IMMP2L: variants seen among roughly 807,000 people sequenced by gnomAD.
IMMP2L encodes mitochondrial inner membrane protease subunit 2.
A neutral mutation model predicts 19.3 loss-of-function variants in IMMP2L; 18 were observed. That is an observed-to-expected ratio of 0.93 (90% CI 0.64 to 1.38). IMMP2L has a LOEUF of 1.38. Ranked by LOEUF, IMMP2L falls within the 40% of genes most tolerant of loss-of-function variation. The pLI is 0.00. For synonymous variants in IMMP2L, 76 were observed against 73.0 expected (o/e 1.04, Z -0.21); for missense variants, 233 against 218.2 (o/e 1.07, Z -0.43).
chr7:111,319,520 G>A (rs891567598), intron 3 of IMMP2L, among the ~76,000 whole-genome samples: 3 of 152,012 alleles, frequency 2.0e-5, no homozygotes, highest in Non-Finnish European at 2.9e-5. Flanking sequence ...AGTCATAAGA[G>A]AATAGTAATC....
At chr7:111,415,065 A>C (rs34245208) in intron 3 of IMMP2L, among the ~76,000 whole-genome samples, 3,145 of 151,960 alleles carry the variant, frequency 0.021, 194 homozygotes, top group African/African-American at 0.072. Flanking sequence ...CGAGTTTGTC[A>C]AAACAGAGAT....
At chr7:111,452,369 T>C (rs1317663595) in intron 3 of IMMP2L, among the ~76,000 whole-genome samples, 1 of 152,134 alleles carries the variant, frequency 6.6e-6, no homozygotes, top group Admixed American at 6.6e-5. Flanking sequence ...AAACTTAGAA[T>C]TCCCTAAGCA....
intron 3 of IMMP2L, among the ~76,000 whole-genome samples, chr7:111,439,470 T>C (rs1235949603): frequency 2.0e-5 from 3 of 151,966 alleles, no homozygotes; most frequent in Non-Finnish European, 4.4e-5. Flanking sequence ...CACGAATTTT[T>C]TGGTTTCACA....
intron 3 of IMMP2L, among the ~76,000 whole-genome samples, chr7:111,348,009 A>G (rs1241976796): frequency 6.6e-6 from 1 of 151,874 alleles, no homozygotes; most frequent in Non-Finnish European, 1.5e-5. Flanking sequence ...GCAGCTGGAA[A>G]CCATCACTCT....
chr7:111,175,736 T>C (rs1303561090), intron 3 of IMMP2L, among the ~76,000 whole-genome samples: 1 of 151,702 alleles, frequency 6.6e-6, no homozygotes, highest in Non-Finnish European at 1.5e-5. Context: ...TCTAGAGTAA[T>C]ACCCTACAAT....
rs1810251328 is a variant in IMMP2L at position 110,886,652 on chromosome 7, G to GACC, written c.346_348dup (p.Gly116dup). 2 of 1,608,838 alleles carry GACC rather than the reference G, an allele frequency of 1.2e-6. No individual in the cohort carries two copies. Among genetic ancestry groups the GACC allele is most frequent in the Non-Finnish European group, 1.7e-6 (2 of 1,175,604 alleles). ...TGATGATCACCTTCAACCCAGATGT[G>GACC]ACCACGGGGGACTTTGACATACCGG... On this transcript the variant is annotated inframe_insertion, in exon 5 of 6. Coordinates refer to ENST00000405709, the MANE Select transcript of IMMP2L (RefSeq NM_032549.4).
At position 111,522,824 on chromosome 7, in the gene IMMP2L, A is replaced by G. The variant is rs371166849; in HGVS notation, c.-2-1375T>C. Among the ~76,000 whole-genome samples, 78 of 151,802 alleles carry G rather than the reference A, an allele frequency of 5.1e-4. 2 individuals are homozygous for G. Among genetic ancestry groups the G allele is most frequent in the African/African-American group, 1.7e-3 (72 of 41,278 alleles). On this transcript the variant is annotated intron_variant, in intron 1 of 5. Transcript: ENST00000405709. ...ACTGAAATCAGTATATTGAAGAGAT[A>G]TTTGCACTCTTATGTTTATCACAGC...
chr7:111,390,975 C>G lies in IMMP2L; in HGVS notation c.239+96263G>C, dbSNP rs17158547. 2.4e-4 allele frequency among the ~76,000 whole-genome samples: 37 copies of G among 152,218 alleles called. No individual in the cohort carries two copies. The East Asian group carries it at 6.9e-3, about 29-fold the overall frequency. On this transcript the variant is annotated intron_variant, in intron 3 of 5. Transcript: ENST00000405709. Reference sequence around the variant, plus strand: ...TGTAATATCACTCCTTACTTCACTACTAAAATATATTCAACTAACATAAAA... The same window carrying G: ...TGTAATATCACTCCTTACTTCACTAGTAAAATATATTCAACTAACATAAAA...
At chr7:110,668,771 AG>A (rs1316385866) in intron 5 of IMMP2L, among the ~76,000 whole-genome samples, 2 of 149,514 alleles carry the variant, frequency 1.3e-5, no homozygotes, top group Non-Finnish European at 3.0e-5. Flanking sequence ...TGCAAAATTC[AG>A]GGTTTCTTTT....
intron 3 of IMMP2L, among the ~76,000 whole-genome samples, chr7:111,327,252 T>C (rs187875364): frequency 6.6e-6 from 1 of 151,850 alleles, no homozygotes; most frequent in South Asian, 2.1e-4. Context: ...AAATGAGAAG[T>C]TGCTGTCCAA....
chr7:111,303,423 A>T (rs1423054160), intron 3 of IMMP2L, among the ~76,000 whole-genome samples: 1 of 152,056 alleles, frequency 6.6e-6, no homozygotes, highest in Non-Finnish European at 1.5e-5. Context: ...GTTTACATAT[A>T]CTCACAGTTT....
chr7:111,492,294 G>T, intron 2 of IMMP2L: 1 of 564,736 alleles, frequency 1.8e-6, no homozygotes, highest in Non-Finnish European at 2.2e-6. Context: ...TCCTATTCCA[G>T]CCCACTCCAG....
chr7:110,977,789 T>C (rs17528429), intron 3 of IMMP2L, among the ~76,000 whole-genome samples: 71,341 of 151,324 alleles, frequency 0.47, 18,092 homozygotes, highest in Non-Finnish European at 0.58. Flanking sequence ...ATAAGACCTT[T>C]GAAATAATTA....
Position 110,870,977 on chromosome 7 carries a change from G to T in IMMP2L, c.408+15616C>A, listed in dbSNP as rs1808483936. 6.6e-6 allele frequency among the ~76,000 whole-genome samples: 1 copy of T among 152,154 alleles called. No individual in the cohort carries two copies. Among genetic ancestry groups the T allele is most frequent in the Non-Finnish European group, 1.5e-5 (1 of 68,004 alleles). On this transcript the variant is annotated intron_variant, in intron 5 of 5. Transcript: ENST00000405709. This position sits in a 1 kb window ranked among gnomAD's most constrained non-coding sequence, Gnocchi z 4.2. ...GGGGAAGCATGCAGCCCAGTTAGGAGGCCCCTGATGACCTGAATCAGTGAG... is the reference window on the plus strand; with the variant it reads ...GGGGAAGCATGCAGCCCAGTTAGGATGCCCCTGATGACCTGAATCAGTGAG...
At position 110,760,690 on chromosome 7, in the gene IMMP2L, T is replaced by C. The variant is rs1172377916; in HGVS notation, c.409-96969A>G. Reference sequence around the variant, plus strand: ...TCTTTTTTGGTCTGTGCTTTCTTTTTGTTCTACAATATATTTATTTCAAAA... The same window carrying C: ...TCTTTTTTGGTCTGTGCTTTCTTTTCGTTCTACAATATATTTATTTCAAAA... On this transcript the variant is annotated intron_variant, in intron 5 of 5. Coordinates refer to ENST00000405709, the MANE Select transcript of IMMP2L (RefSeq NM_032549.4). The surrounding 1 kb of genome is among the most constrained non-coding windows in gnomAD (Gnocchi z 4.2). Among the ~76,000 whole-genome samples the C allele has an allele frequency of 6.6e-6, 1 of 152,178 alleles. No homozygotes were observed. The highest frequency in any genetic ancestry group is 1.5e-5 in the Non-Finnish European group (1 of 68,036).
chr7:111,420,136 A>G (rs1835348869), intron 3 of IMMP2L, among the ~76,000 whole-genome samples: 1 of 151,866 alleles, frequency 6.6e-6, no homozygotes. Context: ...TGTTCTAATT[A>G]TATTTACATT....
chr7:110,963,019 C>T (rs1819131238), intron 4 of IMMP2L: 2 of 1,511,450 alleles, frequency 1.3e-6, no homozygotes, highest in Non-Finnish European at 1.8e-6. Context: ...ACAATCTTAT[C>T]ATCTAAAGCT....
At chr7:110,816,096 G>T (rs1802485422) in intron 5 of IMMP2L, among the ~76,000 whole-genome samples, 2 of 151,932 alleles carry the variant, frequency 1.3e-5, no homozygotes, top group African/African-American at 2.4e-5. Flanking sequence ...TTCTCTTGGG[G>T]GCATTTAGTG....
At chr7:111,377,886 A>G in intron 3 of IMMP2L, among the ~76,000 whole-genome samples, 1 of 152,092 alleles carries the variant, frequency 6.6e-6, no homozygotes, top group Admixed American at 6.6e-5. Flanking sequence ...ATAATACTAT[A>G]CATAGTATTA....
Sources: allele counts gnomAD v4.1 joint callset (sites outside exome capture counted in the v4.1 genomes callset), GRCh38; gene constraint gnomAD v4.1.1; non-coding constraint Gnocchi (gnomAD v3.1); transcripts MANE v1.5; gene names NCBI Gene and HGNC (gene_info 2026-07-23, HGNC 2026-07-21).